The following PPP3CA variants were observed in gnomAD, a reference collection of about 807,000 sequenced individuals.
PPP3CA encodes the protein protein phosphatase 3 catalytic subunit alpha.
In PPP3CA, 14 loss-of-function variants were observed where a neutral mutation model predicts 66.5. The observed-to-expected ratio is 0.21, with a 90% CI of 0.14 to 0.33. The LOEUF is 0.33. PPP3CA is among the 10% of genes least tolerant of loss of function. The probability of loss-of-function intolerance (pLI) is 1.00; values close to 1 mark genes in which losing one functional copy is unlikely to be tolerated. For missense variants in PPP3CA, 317 were observed against 639.5 expected (o/e 0.50, Z 5.44); for synonymous variants, 232 against 226.2 (o/e 1.03, Z -0.23).
At chr4:101,138,868 T>C (rs1722706519) in intron 2 of PPP3CA, among the ~76,000 whole-genome samples, 1 of 149,350 alleles carries the variant, frequency 6.7e-6, no homozygotes, top group Admixed American at 7.1e-5. Flanking sequence ...TTGTAACTTT[T>C]CATTGTTAAT....
intron 1 of PPP3CA, among the ~76,000 whole-genome samples, chr4:101,296,962 T>C (rs1224228407): frequency 1.3e-5 from 2 of 152,192 alleles, no homozygotes; most frequent in Non-Finnish European, 2.9e-5. Context: ...AAATAACATG[T>C]ATTTAAAACA....
intron 4 of PPP3CA, among the ~76,000 whole-genome samples, chr4:101,099,221 T>A (rs1431492678): frequency 1.3e-5 from 2 of 152,148 alleles, no homozygotes; most frequent in Non-Finnish European, 2.9e-5. Context: ...TTTATAAGAT[T>A]CACTAGAAGC....
chr4:101,332,728 C>A (rs138747818), intron 1 of PPP3CA, among the ~76,000 whole-genome samples: 1 of 152,296 alleles, frequency 6.6e-6, no homozygotes, highest in East Asian at 1.9e-4. Flanking sequence ...GTTACAACAA[C>A]CTTAAAAAAT....
At chr4:101,059,504 ACT>A (rs1254847895) in intron 10 of PPP3CA, among the ~76,000 whole-genome samples, 1 of 152,002 alleles carries the variant, frequency 6.6e-6, no homozygotes, top group Non-Finnish European at 1.5e-5. Flanking sequence ...GAGTATATAG[ACT>A]CTATTTACAT....
At chr4:101,141,632 G>A (rs1004400619) in intron 2 of PPP3CA, among the ~76,000 whole-genome samples, 29 of 152,188 alleles carry the variant, frequency 1.9e-4, no homozygotes, top group African/African-American at 7.0e-4. Context: ...TCCTCAGAAA[G>A]GTCTTCCCTG....
intron 1 of PPP3CA, among the ~76,000 whole-genome samples, chr4:101,209,432 C>T (rs1725234845): frequency 6.6e-6 from 1 of 152,152 alleles, no homozygotes; most frequent in African/African-American, 2.4e-5. Flanking sequence ...TAATCAGTCA[C>T]CCAACCTCTT....
intron 10 of PPP3CA, among the ~76,000 whole-genome samples, chr4:101,048,377 T>G (rs555232971): frequency 6.6e-6 from 1 of 152,192 alleles, no homozygotes; most frequent in South Asian, 2.1e-4. Context: ...AGAATTAGAT[T>G]ACTCTATTTC....
intron 2 of PPP3CA, among the ~76,000 whole-genome samples, chr4:101,190,915 A>ATTAC (rs1724580337): frequency 6.6e-6 from 1 of 152,202 alleles, no homozygotes; most frequent in African/African-American, 2.4e-5. Flanking sequence ...TGTTTTCTTC[A>ATTAC]GTAATGAGCA....
At chr4:101,082,046 G>A (rs916401940) in intron 7 of PPP3CA, among the ~76,000 whole-genome samples, 1 of 152,166 alleles carries the variant, frequency 6.6e-6, no homozygotes, top group Non-Finnish European at 1.5e-5. Flanking sequence ...ACACATTCAA[G>A]TAAGCCAGTG....
At chr4:101,073,757 T>C (rs1729026329) in intron 8 of PPP3CA, among the ~76,000 whole-genome samples, 1 of 152,130 alleles carries the variant, frequency 6.6e-6, no homozygotes, top group Non-Finnish European at 1.5e-5. Context: ...CTTTATCAAA[T>C]AAATGAAGGA....
At chr4:101,106,450 A>AAAGAAAGAAAGAAGG (rs751759518) in intron 3 of PPP3CA, among the ~76,000 whole-genome samples, 4 of 11,092 alleles carry the variant, frequency 3.6e-4, no homozygotes, top group African/African-American at 8.2e-4. Flanking sequence ...AGAAAGAAAG[A>AAAGAAAGAAAGAAGG]AAGAGAAAAG....
At chr4:101,085,286 C>T (rs2110242377) in intron 6 of PPP3CA, among the ~76,000 whole-genome samples, 1 of 152,280 alleles carries the variant, frequency 6.6e-6, no homozygotes, top group African/African-American at 2.4e-5. Context: ...GACAGGTTGC[C>T]TGACTATGTC....
At chr4:101,288,037 C>A (rs1002397605) in intron 1 of PPP3CA, among the ~76,000 whole-genome samples, 7 of 152,088 alleles carry the variant, frequency 4.6e-5, no homozygotes, top group Admixed American at 2.0e-4. Flanking sequence ...AGCTTAAAGT[C>A]ATGCCAGCAA....
chr4:101,306,453 A>G (rs919495384), intron 1 of PPP3CA, among the ~76,000 whole-genome samples: 2 of 152,166 alleles, frequency 1.3e-5, no homozygotes, highest in Non-Finnish European at 2.9e-5. Flanking sequence ...AAGAGAAGAA[A>G]GCACTTGGAG....
At chr4:101,071,209 A>T (rs1053358779) in intron 8 of PPP3CA, among the ~76,000 whole-genome samples, 1 of 152,204 alleles carries the variant, frequency 6.6e-6, no homozygotes. Context: ...ACACATTCGT[A>T]GAAGACCCTT....
intron 1 of PPP3CA, among the ~76,000 whole-genome samples, chr4:101,225,876 C>T (rs1725765903): frequency 6.6e-6 from 1 of 151,708 alleles, no homozygotes; most frequent in Admixed American, 6.6e-5. Context: ...CAGAGGCAAT[C>T]AAGTTATCAG....
chr4:101,188,480 T>C (rs1202065735), intron 2 of PPP3CA, among the ~76,000 whole-genome samples: 1 of 152,162 alleles, frequency 6.6e-6, no homozygotes, highest in Non-Finnish European at 1.5e-5. Context: ...GTATAATCAG[T>C]ATAATCCTAC....
chr4:101,124,605 T>C (rs1722135861), intron 2 of PPP3CA, among the ~76,000 whole-genome samples: 1 of 144,066 alleles, frequency 6.9e-6, no homozygotes, highest in Non-Finnish European at 1.5e-5. Context: ...CAAGACTCTG[T>C]CTCAAAAAAA....
chr4:101,266,302 A>G (rs914257773), intron 1 of PPP3CA, among the ~76,000 whole-genome samples: 1 of 152,144 alleles, frequency 6.6e-6, no homozygotes, highest in African/African-American at 2.4e-5. Flanking sequence ...AGCTCTATAC[A>G]TTTACTATTT....
Sources: gnomAD v4.1 joint callset for allele counts (sites outside exome capture counted in the v4.1 genomes callset) on GRCh38, gnomAD v4.1.1 for gene constraint, MANE v1.5 for transcripts, NCBI Gene and HGNC (gene_info 2026-07-23, HGNC 2026-07-21) for gene names.